DGAT2L6: variants seen among roughly 807,000 people sequenced by gnomAD.
DGAT2L6 encodes the protein diacylglycerol O-acyltransferase 2-like protein 6.
In DGAT2L6, 22 loss-of-function variants were observed where a neutral mutation model predicts 25.5. The observed-to-expected ratio is 0.86, with a 90% CI of 0.62 to 1.23. The LOEUF (loss-of-function observed/expected upper bound fraction) is 1.23, where lower values mean the gene tolerates loss of function less well. Among genes scored for constraint, DGAT2L6 ranks in the 50% most tolerant of loss-of-function variants. The pLI, the probability that DGAT2L6 is intolerant of heterozygous loss-of-function variation, is 0.00. For missense variants in DGAT2L6, 287 were observed against 253.2 expected, an observed-to-expected ratio of 1.13 and a Z score of -0.91; for synonymous variants, 100 against 94.7, an observed-to-expected ratio of 1.06 and a Z score of -0.32.
chrX:70,199,336 C>G lies in DGAT2L6; in HGVS notation c.151C>G (p.Leu51Val). Residue 51 changes from leucine to valine, a missense_variant, in exon 2 of 7, where the codon CTC (leucine) becomes GTC (valine). Transcript: ENST00000333026. Reference sequence around the variant, plus strand: ...CAGTAAGTTCTGGCCCTTGGCTGTGCTCTCCTTAGCCTGGCTCACCTATGA... The same window carrying G: ...CAGTAAGTTCTGGCCCTTGGCTGTGGTCTCCTTAGCCTGGCTCACCTATGA... ...LFSKFWPLAV[L>V]SLAWLTYDWN... 1 of 1,195,312 alleles carries G rather than the reference C, an allele frequency of 8.4e-7. No homozygotes were observed. Among genetic ancestry groups the G allele is most frequent in the East Asian group, 3.0e-5 (1 of 33,487 alleles).
intron 3 of DGAT2L6, 54 bp from the exon 4 acceptor site, chrX:70,200,201 C>G: frequency 2.7e-6 from 3 of 1,131,042 alleles, no homozygotes; most frequent in Non-Finnish European, 2.4e-6. Flanking sequence ...TTAGTCCACA[C>G]GTGGTTTCTT....
At position 70,205,121 on chromosome X, in the gene DGAT2L6, C is replaced by A; in HGVS notation, c.*15C>A. ...CAATTACATAACAGGAGCCACATTC[C>A]CCATTGATCAACCCCCAAAGCCATG... On this transcript the variant is annotated 3_prime_UTR_variant, in exon 7 of 7. Transcript: ENST00000333026. 4.3e-6 allele frequency: 5 copies of A among 1,175,064 alleles called. No individual in the cohort carries two copies. The highest frequency in any genetic ancestry group is 5.7e-6 in the Non-Finnish European group (5 of 879,874).
intron 1 of DGAT2L6, among the ~76,000 whole-genome samples, chrX:70,185,402 A>C (rs958900020): frequency 1.8e-5 from 2 of 112,416 alleles, no homozygotes; most frequent in South Asian, 7.3e-4. Flanking sequence ...AGGTACTTAA[A>C]ATAGTTATTG....
At chrX:70,193,473 G>A (rs1165327003) in intron 1 of DGAT2L6, among the ~76,000 whole-genome samples, 2 of 111,136 alleles carry the variant, frequency 1.8e-5, no homozygotes, top group African/African-American at 6.6e-5. Flanking sequence ...CCATATCCCT[G>A]ATGAACATAG....
chrX:70,179,469 A>C (rs965432381), intron 1 of DGAT2L6, among the ~76,000 whole-genome samples: 3 of 108,887 alleles, frequency 2.8e-5, no homozygotes, highest in African/African-American at 1.0e-4. Context: ...GGGCAGAGAG[A>C]GCAGGGGAAA....
intron 1 of DGAT2L6, among the ~76,000 whole-genome samples, chrX:70,179,286 T>C (rs535126152): frequency 4.5e-5 from 5 of 111,976 alleles, no homozygotes; most frequent in African/African-American, 1.6e-4. Flanking sequence ...TAGACTTTCA[T>C]AGTTTCCTTT....
chrX:70,193,300 T>C (rs891728287), intron 1 of DGAT2L6, among the ~76,000 whole-genome samples: 1 of 104,740 alleles, frequency 9.5e-6, no homozygotes, highest in Admixed American at 1.0e-4. Flanking sequence ...AGAGTGAAAG[T>C]GTGTGTCAAA....
At chrX:70,196,486 C>CAAAAAAA (rs751597708) in intron 1 of DGAT2L6, among the ~76,000 whole-genome samples, 1 of 26,090 alleles carries the variant, frequency 3.8e-5, no homozygotes, top group Non-Finnish European at 7.0e-5. Flanking sequence ...GATCCTGTCT[C>CAAAAAAA]AAAAAAAAAA....
intron 1 of DGAT2L6, among the ~76,000 whole-genome samples, chrX:70,195,464 T>TCACACACA (rs1256082724): frequency 0.17 from 17,901 of 103,401 alleles, 1,146 homozygotes; most frequent in Middle Eastern, 0.21. Context: ...AAAGAAAGTG[T>TCACACACA]CACACACACA....
chrX:70,204,567 C>A (rs1238433163), intron 6 of DGAT2L6, 51 bp downstream of exon 6: 3 of 1,172,649 alleles, frequency 2.6e-6, no homozygotes, highest in South Asian at 3.7e-5. Context: ...CACTTCCCAC[C>A]CACTTTAAAT....
chrX:70,185,015 T>C (rs763867206), intron 1 of DGAT2L6, among the ~76,000 whole-genome samples: 7 of 111,489 alleles, frequency 6.3e-5, no homozygotes, highest in Non-Finnish European at 1.3e-4. Flanking sequence ...CCAGATTATC[T>C]TCCTGAAACA....
At chrX:70,189,275 G>T (rs1469938744) in intron 1 of DGAT2L6, among the ~76,000 whole-genome samples, 2 of 111,295 alleles carry the variant, frequency 1.8e-5, no homozygotes, top group Non-Finnish European at 3.8e-5. Flanking sequence ...ACTAACAAAT[G>T]AGATTAGCCA....
chrX:70,184,942 T>C (rs1302603285), intron 1 of DGAT2L6, among the ~76,000 whole-genome samples: 2 of 111,566 alleles, frequency 1.8e-5, no homozygotes, highest in Non-Finnish European at 3.8e-5. Context: ...TTGGCTTTCA[T>C]CTGAATGCCA....
intron 4 of DGAT2L6, among the ~76,000 whole-genome samples, chrX:70,201,128 A>AAG (rs1470951863): frequency 1.8e-5 from 2 of 111,648 alleles, no homozygotes; most frequent in African/African-American, 6.5e-5. Flanking sequence ...CAAACATCCA[A>AAG]AGGTAAGATA....
chrX:70,202,630 C>G (rs148957439), intron 5 of DGAT2L6, among the ~76,000 whole-genome samples: 1 of 111,741 alleles, frequency 8.9e-6, no homozygotes, highest in African/African-American at 3.3e-5. Flanking sequence ...TACCAAATAC[C>G]TGCAGAATCC....
At chrX:70,192,885 T>C in intron 1 of DGAT2L6, among the ~76,000 whole-genome samples, 1 of 111,256 alleles carries the variant, frequency 9.0e-6, no homozygotes. Context: ...CACAGAAATA[T>C]AAAGGTCATA....
At chrX:70,180,482 A>G (rs959775645) in intron 1 of DGAT2L6, among the ~76,000 whole-genome samples, 6 of 111,532 alleles carry the variant, frequency 5.4e-5, no homozygotes, top group Admixed American at 1.9e-4. Flanking sequence ...AATAAAAATA[A>G]AAATAAAGAA....
chrX:70,177,595 T>C lies in DGAT2L6; in HGVS notation c.13T>C (p.Ser5Pro), dbSNP rs1338964001. 1 of 1,210,897 alleles carries C rather than the reference T, an allele frequency of 8.3e-7. No homozygotes were observed. Among genetic ancestry groups the C allele is most frequent in the Non-Finnish European group, 1.1e-6 (1 of 894,750 alleles). The change falls in exon 1 of 7, where the codon TCC (serine) becomes CCC (proline). Residue 5 changes from serine to proline, a missense_variant. Ser to Pro is a moderately conservative substitution (Grantham distance 74). Coordinates refer to ENST00000333026, the MANE Select transcript of DGAT2L6 (RefSeq NM_198512.3). ...CAGCACCATAACCATGGCTTTCTTC[T>C]CCCGACTGAATCTCCAGGAGGGCCT... MAFFSRLNLQEGLQT... is the reference protein window; with the variant it reads MAFFPRLNLQEGLQT...
chrX:70,196,486 C>CAAAAAAAAAAAAAAAAAAAAAAA, intron 1 of DGAT2L6, among the ~76,000 whole-genome samples: 1 of 26,081 alleles, frequency 3.8e-5, no homozygotes, highest in Non-Finnish European at 7.0e-5. Context: ...GATCCTGTCT[C>CAAAAAAAAAAAAAAAAAAAAAAA]AAAAAAAAAA....
Sources: allele counts gnomAD v4.1 joint callset (sites outside exome capture counted in the v4.1 genomes callset), GRCh38; gene constraint gnomAD v4.1.1; transcripts MANE v1.5; gene names NCBI Gene and HGNC (gene_info 2026-07-23, HGNC 2026-07-21).